Variants in SPIDR observed in about 807,000 individuals in gnomAD.
The protein encoded by SPIDR is scaffold protein involved in DNA repair, also known as DNA repair-scaffolding protein.
SPIDR carries 93 observed loss-of-function variants against 104.6 expected under a neutral mutation model. That is an observed-to-expected ratio of 0.89 (90% CI 0.75 to 1.06). The LOEUF (loss-of-function observed/expected upper bound fraction) is 1.06, where lower values mean the gene tolerates loss of function less well. SPIDR is among the 50% of genes least tolerant of loss of function. The pLI is 0.00. For missense variants in SPIDR, 1,154 were observed against 1,111.2 expected (o/e 1.04, Z -0.55); for synonymous variants, 431 against 416.9 (o/e 1.03, Z -0.41).
chr8:47,630,070 A>G (rs150698045), intron 10 of SPIDR, among the ~76,000 whole-genome samples: 1,784 of 152,374 alleles, frequency 0.012, 24 homozygotes, highest in Admixed American at 0.027. Flanking sequence ...CTTCTGTCAC[A>G]TGAGGTAAAA....
chr8:47,695,121 C>T (rs1350750975), intron 11 of SPIDR, among the ~76,000 whole-genome samples: 3 of 152,076 alleles, frequency 2.0e-5, no homozygotes, highest in Non-Finnish European at 2.9e-5. Context: ...CCACTGTACA[C>T]TCATGAGAGA....
intron 1 of SPIDR, among the ~76,000 whole-genome samples, chr8:47,270,624 TTCTC>T (rs2035112565): frequency 6.6e-6 from 1 of 152,130 alleles, no homozygotes; most frequent in Non-Finnish European, 1.5e-5. Context: ...TGTTTTTCTA[TTCTC>T]TCTGTCATTT....
At chr8:47,374,787 G>C (rs1490674646) in intron 5 of SPIDR, among the ~76,000 whole-genome samples, 1 of 152,182 alleles carries the variant, frequency 6.6e-6, no homozygotes, top group African/African-American at 2.4e-5. Context: ...GGGGCATTGT[G>C]TCTCATGCCT....
intron 8 of SPIDR, among the ~76,000 whole-genome samples, chr8:47,456,886 A>T (rs1586024374): frequency 6.6e-6 from 1 of 152,314 alleles, no homozygotes; most frequent in East Asian, 1.9e-4. Context: ...TATTTCACTT[A>T]GAATAAAAAT....
intron 8 of SPIDR, among the ~76,000 whole-genome samples, chr8:47,453,019 G>A (rs1357700577): frequency 6.6e-6 from 1 of 152,134 alleles, no homozygotes; most frequent in Admixed American, 6.5e-5. Context: ...CAAAGTCTCA[G>A]GATACAAAAT....
chr8:47,369,770 C>A (rs782712894), intron 5 of SPIDR, among the ~76,000 whole-genome samples: 1 of 152,168 alleles, frequency 6.6e-6, no homozygotes, highest in African/African-American at 2.4e-5. Flanking sequence ...AGAGCCTGAT[C>A]ATTGGAGAAC....
At chr8:47,363,100 G>C (rs1049315399) in intron 5 of SPIDR, among the ~76,000 whole-genome samples, 3 of 151,530 alleles carry the variant, frequency 2.0e-5, no homozygotes, top group African/African-American at 7.3e-5. Context: ...TCACATTACA[G>C]TAAGCTCCAC....
At chr8:47,325,298 G>A (rs956588558) in intron 5 of SPIDR, among the ~76,000 whole-genome samples, 2 of 152,092 alleles carry the variant, frequency 1.3e-5, no homozygotes, top group Non-Finnish European at 2.9e-5. Context: ...TGCTTGATTT[G>A]GAAAGCATTT....
chr8:47,443,637 C>A (rs2069923033), intron 8 of SPIDR, among the ~76,000 whole-genome samples: 1 of 144,336 alleles, frequency 6.9e-6, no homozygotes, highest in African/African-American at 2.5e-5. Flanking sequence ...TTTTAAAGGA[C>A]TAGTCTTTTT....
At chr8:47,498,718 T>C (rs1343896791) in intron 8 of SPIDR, among the ~76,000 whole-genome samples, 1 of 152,162 alleles carries the variant, frequency 6.6e-6, no homozygotes, top group African/African-American at 2.4e-5. Flanking sequence ...CACACCAACT[T>C]AGACCTAACA....
At chr8:47,476,891 ACCTTAGAAAAATTT>A (rs1367299052) in intron 8 of SPIDR, among the ~76,000 whole-genome samples, 7 of 152,230 alleles carry the variant, frequency 4.6e-5, no homozygotes, top group Admixed American at 2.0e-4. Flanking sequence ...TGGTAGTGAC[ACCTTAGAAAAATTT>A]CCTTATGAGG....
intron 5 of SPIDR, among the ~76,000 whole-genome samples, chr8:47,324,505 G>A (rs1303586001): frequency 1.3e-5 from 2 of 152,150 alleles, no homozygotes; most frequent in South Asian, 2.1e-4. Flanking sequence ...AGTGAAATTA[G>A]ATCTTTTGAT....
At chr8:47,555,649 G>T (rs2091230980) in intron 8 of SPIDR, among the ~76,000 whole-genome samples, 1 of 152,180 alleles carries the variant, frequency 6.6e-6, no homozygotes, top group South Asian at 2.1e-4. Flanking sequence ...TAGGAGTGGG[G>T]TATGTGTATT....
chr8:47,662,296 C>T (rs1479208995), intron 10 of SPIDR, among the ~76,000 whole-genome samples: 1 of 152,202 alleles, frequency 6.6e-6, no homozygotes, highest in Non-Finnish European at 1.5e-5. Context: ...CATCCTGAGG[C>T]AGCCACTGTG....
chr8:47,685,513 ATTTATTTT>A (rs2077681075), intron 11 of SPIDR, among the ~76,000 whole-genome samples: 1 of 120,972 alleles, frequency 8.3e-6, no homozygotes, highest in East Asian at 2.7e-4. Context: ...TTATTTATTT[ATTTATTTT>A]TTTGAGACAG....
intron 8 of SPIDR, among the ~76,000 whole-genome samples, chr8:47,444,386 A>G (rs1430218657): frequency 6.6e-6 from 1 of 152,214 alleles, no homozygotes; most frequent in African/African-American, 2.4e-5. Flanking sequence ...ATTCAGAAGT[A>G]TTTATTGGTA....
intron 8 of SPIDR, among the ~76,000 whole-genome samples, chr8:47,549,056 G>C (rs1327318702): frequency 6.6e-6 from 1 of 152,184 alleles, no homozygotes; most frequent in African/African-American, 2.4e-5. Context: ...TGCTCAGAAT[G>C]ATGGTTTCCA....
chr8:47,688,611 A>G lies in SPIDR; in HGVS notation c.1686-11792A>G, dbSNP rs962252257. On this transcript the variant is annotated intron_variant, in intron 11 of 19. Transcript: ENST00000297423. ...TTTCATTCCATTTTATGCATTTACC[A>G]TAGTCTCTTTGTTCATGCAGTTGTT... 8 of 152,304 alleles carry G rather than the reference A, an allele frequency of 5.3e-5. No individual in the cohort carries two copies. In the East Asian group the frequency reaches 9.6e-4, roughly 18 times the overall value. The allele number at this position is 152,304 out of a possible 1,614,324, so 9.4% of individuals were successfully genotyped here.
chr8:47,374,451 T>G (rs1299425746), intron 5 of SPIDR, among the ~76,000 whole-genome samples: 1 of 152,252 alleles, frequency 6.6e-6, no homozygotes, highest in African/African-American at 2.4e-5. Context: ...TAAACTTTAT[T>G]GCCTAGAAAT....
Sources: gnomAD v4.1 joint callset for allele counts (sites outside exome capture counted in the v4.1 genomes callset) on GRCh38, gnomAD v4.1.1 for gene constraint, MANE v1.5 for transcripts, NCBI Gene and HGNC (gene_info 2026-07-23, HGNC 2026-07-21) for gene names.